NRXN3: variants seen among roughly 807,000 people sequenced by gnomAD.
NRXN3 encodes the protein neurexin 3.
A neutral mutation model predicts 137.6 loss-of-function variants in NRXN3; 32 were observed. The ratio of observed to expected loss-of-function variants is 0.23; its 90% CI spans 0.18 to 0.31. NRXN3 has a LOEUF of 0.31. Among genes scored for constraint, NRXN3 ranks in the 10% least tolerant of loss-of-function variants. The probability of loss-of-function intolerance (pLI) is 1.00; values close to 1 mark genes in which losing one functional copy is unlikely to be tolerated. For synonymous variants in NRXN3, 798 were observed against 784.5 expected, an observed-to-expected ratio of 1.02 and a Z score of -0.29; for missense variants, 1,574 against 2,062.5, an observed-to-expected ratio of 0.76 and a Z score of 4.59.
chr14:78,482,198 C>T (rs1227854985), intron 4 of NRXN3, among the ~76,000 whole-genome samples: 1 of 152,200 alleles, frequency 6.6e-6, no homozygotes, highest in African/African-American at 2.4e-5. Context: ...CTGATATACT[C>T]TTGTCAACTG....
At chr14:78,561,628 C>T (rs2096786904) in intron 4 of NRXN3, among the ~76,000 whole-genome samples, 2 of 152,112 alleles carry the variant, frequency 1.3e-5, no homozygotes, top group South Asian at 2.1e-4. Flanking sequence ...TATAGGAAAG[C>T]ATATACTTCC....
In NRXN3 at chr14:79,732,682, G is replaced by T. The variant is rs576591277; in HGVS notation, c.4014+34745G>T. 3.9e-5 allele frequency among the ~76,000 whole-genome samples: 6 copies of T among 152,188 alleles called. No homozygotes were observed. The East Asian group carries it at 9.6e-4, about 24-fold the overall frequency. On this transcript the variant is annotated intron_variant, in intron 19 of 20. Coordinates refer to ENST00000335750, the MANE Select transcript of NRXN3 (RefSeq NM_001330195.2). ...TACATGTCTATGCACTTTTGAGCTT[G>T]GGTCTGTTTAAAATACTTATTTGTT... is the stretch of plus-strand genomic sequence containing the variant.
intron 8 of NRXN3, among the ~76,000 whole-genome samples, chr14:78,719,864 A>G (rs2098451631): frequency 1.3e-5 from 2 of 151,958 alleles, no homozygotes; most frequent in Admixed American, 1.3e-4. Flanking sequence ...AAAATAGTGA[A>G]AATAGTAGGG....
intron 10 of NRXN3, among the ~76,000 whole-genome samples, chr14:78,942,200 C>T (rs944219827): frequency 2.6e-5 from 4 of 152,202 alleles, no homozygotes; most frequent in African/African-American, 4.8e-5. Flanking sequence ...CATCATACAT[C>T]CTTCAAACCT....
At chr14:79,130,077 C>A (rs1032815693) in intron 15 of NRXN3, among the ~76,000 whole-genome samples, 1 of 151,802 alleles carries the variant, frequency 6.6e-6, no homozygotes, top group Non-Finnish European at 1.5e-5. Flanking sequence ...TGTGTCTCTG[C>A]ACGTGAGATG....
At chr14:78,227,212 G>A (rs1289527270) in intron 1 of NRXN3, among the ~76,000 whole-genome samples, 1 of 152,192 alleles carries the variant, frequency 6.6e-6, no homozygotes, top group Non-Finnish European at 1.5e-5. Context: ...ACTAATCAGT[G>A]TGATATATGA....
At chr14:79,010,194 TC>T (rs2099568689) in intron 15 of NRXN3, among the ~76,000 whole-genome samples, 2 of 152,172 alleles carry the variant, frequency 1.3e-5, no homozygotes, top group South Asian at 4.1e-4. Context: ...GCTTGATTGG[TC>T]CAAGGTAGTC....
intron 10 of NRXN3, among the ~76,000 whole-genome samples, chr14:78,852,857 T>TTG (rs963511188): frequency 4.6e-5 from 7 of 151,742 alleles, no homozygotes; most frequent in Admixed American, 2.6e-4. Context: ...GTAACACATT[T>TTG]TGTGTGTGTG....
At chr14:78,841,161 T>C (rs1426135122) in intron 10 of NRXN3, among the ~76,000 whole-genome samples, 1 of 152,154 alleles carries the variant, frequency 6.6e-6, no homozygotes, top group Non-Finnish European at 1.5e-5. Context: ...TGACTTGTTT[T>C]GATCGAGCTG....
intron 15 of NRXN3, among the ~76,000 whole-genome samples, chr14:79,176,338 C>G (rs565395321): frequency 6.6e-6 from 1 of 152,234 alleles, no homozygotes; most frequent in East Asian, 1.9e-4. Flanking sequence ...CTTTGTGGAG[C>G]CTGCATGATG....
intron 15 of NRXN3, among the ~76,000 whole-genome samples, chr14:79,234,510 G>A (rs1485808145): frequency 6.7e-6 from 1 of 150,020 alleles, no homozygotes; most frequent in Non-Finnish European, 1.5e-5. Context: ...TCAGCCTCCC[G>A]AGTATCTGGG....
intron 16 of NRXN3, among the ~76,000 whole-genome samples, chr14:79,627,340 G>T (rs1275989836): frequency 6.6e-6 from 1 of 152,120 alleles, no homozygotes; most frequent in Admixed American, 6.5e-5. Flanking sequence ...AGACATCTTT[G>T]CTATTCTGGA....
chr14:78,496,426 G>C (rs558926652), intron 4 of NRXN3, among the ~76,000 whole-genome samples: 12 of 152,250 alleles, frequency 7.9e-5, no homozygotes, highest in Admixed American at 7.2e-4. Context: ...TCTAAGAATG[G>C]AGAGTTAATT....
At chr14:78,711,503 G>T (rs563077880) in intron 7 of NRXN3, among the ~76,000 whole-genome samples, 1 of 140,126 alleles carries the variant, frequency 7.1e-6, no homozygotes, top group Non-Finnish European at 1.5e-5. Flanking sequence ...GTGCAATGGC[G>T]CAGTCTCGGC....
intron 15 of NRXN3, among the ~76,000 whole-genome samples, chr14:79,380,891 C>T (rs1287979437): frequency 6.6e-6 from 1 of 152,084 alleles, no homozygotes; most frequent in Non-Finnish European, 1.5e-5. Flanking sequence ...TAATCTGTGA[C>T]TGTGTGCAGG....
At chr14:78,321,609 T>G (rs1245837820) in intron 4 of NRXN3, among the ~76,000 whole-genome samples, 2 of 152,106 alleles carry the variant, frequency 1.3e-5, no homozygotes, top group African/African-American at 4.8e-5. Flanking sequence ...AGACAGCTGT[T>G]GAAAGCAACT....
chr14:78,957,300 C>G lies in NRXN3; in HGVS notation c.2334C>G (p.Thr778=). The G allele has an allele frequency of 5.6e-6, 9 of 1,614,068 alleles. No homozygotes were observed. The highest frequency in any genetic ancestry group is 1.1e-5 in the South Asian group (1 of 91,076). ...AGCTCAATGACAACGAGTGGCACACCGTTCGGGTGGTGCGGAGAGGAAAAA... is the reference window on the plus strand; with the variant it reads ...AGCTCAATGACAACGAGTGGCACACGGTTCGGGTGGTGCGGAGAGGAAAAA... ...GQKLNDNEWH[T]VRVVRRGKSL... Residue 778 remains threonine (T), a synonymous_variant, in exon 11 of 21, where the codon ACC becomes ACG. Coordinates refer to ENST00000335750, the MANE Select transcript of NRXN3 (RefSeq NM_001330195.2).
chr14:79,054,219 G>A (rs2099649857), intron 15 of NRXN3, among the ~76,000 whole-genome samples: 1 of 151,478 alleles, frequency 6.6e-6, no homozygotes, highest in Non-Finnish European at 1.5e-5. Context: ...TAAATGATGA[G>A]TTAATGGGTG....
intron 4 of NRXN3, among the ~76,000 whole-genome samples, chr14:78,553,279 A>G (rs566824327): frequency 6.6e-6 from 1 of 152,344 alleles, no homozygotes; most frequent in South Asian, 2.1e-4. Context: ...AGTACCTAAT[A>G]TAAAAAATCC....
Sources: allele counts gnomAD v4.1 joint callset (sites outside exome capture counted in the v4.1 genomes callset), GRCh38; gene constraint gnomAD v4.1.1; transcripts MANE v1.5; gene names NCBI Gene and HGNC (gene_info 2026-07-23, HGNC 2026-07-21).